Variants in CENPF observed in about 807,000 individuals in gnomAD.
CENPF encodes AH antigen.
CENPF carries 214 observed loss-of-function variants against 307.3 expected under a neutral mutation model. That is an observed-to-expected ratio of 0.70 (90% CI 0.62 to 0.78). The LOEUF is 0.78. Ranked by LOEUF, CENPF falls within the 30% of genes least tolerant of loss-of-function variation. The pLI, the probability that CENPF is intolerant of heterozygous loss-of-function variation, is 0.00. For missense variants in CENPF, 3,401 were observed against 3,483.9 expected (o/e 0.98, Z 0.60); for synonymous variants, 1,259 against 1,270.6 (o/e 0.99, Z 0.19).
chr1:214,638,061 TG>T (rs1658011224), intron 11 of CENPF, 60 bp downstream of exon 11: 1 of 1,481,180 alleles, frequency 6.8e-7, no homozygotes, highest in East Asian at 2.4e-5. Context: ...TGAGAGGGGA[TG>T]GATGGCATTA....
rs749868979 is a variant in CENPF at position 214,645,666 on chromosome 1, T to C, written c.6096T>C (p.His2032=). The change falls in exon 13 of 20, where the codon CAT becomes CAC. Residue 2032 remains histidine, a synonymous_variant. Transcript: ENST00000366955. The part of the protein sequence containing the change: ...DVSELLKDKT[H]LQEKLQSLEK... The stretch of plus-strand genomic sequence containing the variant: ...GTGAGCTGTTAAAAGACAAAACTCA[T>C]CTCCAGGAAAAGCTGCAGAGTTTGG... 1.5e-5 allele frequency: 24 copies of C among 1,614,060 alleles called. No homozygotes were observed. Among genetic ancestry groups the C allele is most frequent in the East Asian group, 2.2e-5 (1 of 44,868 alleles).
At chr1:214,658,757 C>T in intron 18 of CENPF, 93 bp from the exon 19 acceptor site, 1 of 1,289,918 alleles carries the variant, frequency 7.8e-7, no homozygotes, top group Admixed American at 2.0e-5. Context: ...TTGGAGTTTG[C>T]ATTATCCTTG....
In CENPF at chr1:214,644,770, C is replaced by T. The variant is rs1658237008; in HGVS notation, c.5200C>T (p.Pro1734Ser). The T allele has an allele frequency of 6.2e-7, 1 of 1,613,838 alleles. No individual in the cohort carries two copies. Among genetic ancestry groups the T allele is most frequent in the African/African-American group, 1.3e-5 (1 of 74,984 alleles). Reference sequence around the variant, plus strand: ...GTCCCCAGATACCAATTATGAGCCTCCAGGGGAAGATAAAACCCAGGGCTC... The same window carrying T: ...GTCCCCAGATACCAATTATGAGCCTTCAGGGGAAGATAAAACCCAGGGCTC... ...EQSPDTNYEP[P>S]GEDKTQGSSE... Residue 1734 changes from proline to serine, a missense_variant, in exon 13 of 20, where the codon CCA becomes TCA. Transcript: ENST00000366955.
Position 214,659,169 on chromosome 1 carries a change from T to TC in CENPF, c.9141+141_9141+142insC. 1.3e-6 allele frequency: 1 copy of TC among 777,856 alleles called. No individual in the cohort carries two copies. 48.2% of individuals were successfully genotyped at this position (777,856 alleles called of 1,614,324 possible). On this transcript the variant is annotated intron_variant, in intron 19 of 19. Coordinates refer to ENST00000366955, the MANE Select transcript of CENPF (RefSeq NM_016343.4). This position sits in a 1 kb window ranked among gnomAD's most constrained non-coding sequence, Gnocchi z 4.4. ...TCTTGGTGTGGTGTAAGTCAGTCAG[T>TC]AGTGAGCAAGTGACCGGGTGAGCAT...
chr1:214,621,183 C>T (rs80220869), intron 6 of CENPF, among the ~76,000 whole-genome samples: 1 of 152,106 alleles, frequency 6.6e-6, no homozygotes, highest in Admixed American at 6.5e-5. Context: ...CTCTAAAGTA[C>T]GTTGAGAGGC....
chr1:214,606,023 G>A, intron 1 of CENPF: 1 of 1,596,410 alleles, frequency 6.3e-7, no homozygotes, highest in South Asian at 1.1e-5. Context: ...GTCCACGGTG[G>A]GCACCGTGCC....
chr1:214,625,843 C>G (rs1657640066), intron 7 of CENPF, among the ~76,000 whole-genome samples: 1 of 152,100 alleles, frequency 6.6e-6, no homozygotes, highest in Admixed American at 6.5e-5. Context: ...AGACTGTTTT[C>G]TCCCTTTTCG....
At position 214,622,299 on chromosome 1, in the gene CENPF, A is replaced by G. The variant is rs1657530241; in HGVS notation, c.1068+18A>G. On this transcript the variant is annotated intron_variant, in intron 7 of 19. Coordinates refer to ENST00000366955, the MANE Select transcript of CENPF (RefSeq NM_016343.4). ...CAACCAAGGTACTTGACTTTTCGTG[A>G]ATTACTGGAGAAATCTTCATCTTTT... The G allele has an allele frequency of 1.9e-6, 3 of 1,566,164 alleles. No individual in the cohort carries two copies. Among genetic ancestry groups the G allele is most frequent in the Admixed American group, 1.9e-5 (1 of 52,294 alleles).
At chr1:214,637,799 T>G (rs1658002323) in intron 10 of CENPF, 67 bp from the exon 11 acceptor site, 1 of 1,517,394 alleles carries the variant, frequency 6.6e-7, no homozygotes, top group Non-Finnish European at 8.9e-7. Context: ...GGACCTTTAT[T>G]AAGGCAGAAG....
At chr1:214,643,477 C>A (rs577398492) in intron 12 of CENPF, among the ~76,000 whole-genome samples, 153 bp downstream of exon 12, 1 of 152,078 alleles carries the variant, frequency 6.6e-6, no homozygotes, top group South Asian at 2.1e-4. Flanking sequence ...TCAAAACAAA[C>A]CAGAACTTGA....
chr1:214,608,657 C>A, intron 1 of CENPF: 4 of 1,601,546 alleles, frequency 2.5e-6, no homozygotes, highest in Non-Finnish European at 2.5e-6. Context: ...CGCCCGGGTG[C>A]GCCCGAGGAG....
intron 10 of CENPF, 36 bp from the exon 11 acceptor site, chr1:214,637,830 C>T (rs574167513): frequency 1.4e-5 from 22 of 1,584,070 alleles, no homozygotes; most frequent in African/African-American, 4.1e-5. Flanking sequence ...CTTGAGCATT[C>T]GTTTTGGCTA....
chr1:214,643,158 A>C lies in CENPF; in HGVS notation c.4820A>C (p.Glu1607Ala). 1 of 1,598,988 alleles carries C rather than the reference A, an allele frequency of 6.3e-7. No homozygotes were observed. The change falls in exon 12 of 20, where the codon GAA becomes GCA. Residue 1607 changes from glutamate (E) to alanine (A), a missense_variant. Transcript: ENST00000366955. ...AGGAAGCAGTATTTGTCAGAAAATGAACAGTGGCAACAGAAGCTGACAAGC... is the reference window on the plus strand; with the variant it reads ...AGGAAGCAGTATTTGTCAGAAAATGCACAGTGGCAACAGAAGCTGACAAGC... ...CLRKQYLSEN[E>A]QWQQKLTSVT...
At chr1:214,620,109 A>G (rs981778082) in intron 5 of CENPF, among the ~76,000 whole-genome samples, 2 of 152,214 alleles carry the variant, frequency 1.3e-5, no homozygotes, top group African/African-American at 2.4e-5. Flanking sequence ...ATTTGTCAGA[A>G]TGGAGGCAGA....
At chr1:214,643,868 A>G (rs1353649922) in intron 12 of CENPF, among the ~76,000 whole-genome samples, 2 of 152,238 alleles carry the variant, frequency 1.3e-5, no homozygotes, top group Non-Finnish European at 2.9e-5. Context: ...AAAAAATTGA[A>G]TACATATTTG....
chr1:214,627,180 C>T (rs748073975), intron 7 of CENPF, among the ~76,000 whole-genome samples: 3 of 151,746 alleles, frequency 2.0e-5, no homozygotes, highest in Non-Finnish European at 2.9e-5. Flanking sequence ...CCACCTCAGC[C>T]TCCCTAGTAG....
At chr1:214,608,786 G>A (rs12081395) in intron 1 of CENPF, 100,203 of 1,599,946 alleles carry the variant, frequency 0.063, 6,058 homozygotes, top group African/African-American at 0.29. Flanking sequence ...ATGCGGCCGG[G>A]GCAGGGCGGG....
rs1658472164 is a variant in CENPF at position 214,651,882 on chromosome 1, A to G, written c.8156A>G (p.Lys2719Arg). ...KHQALLLDTN[K>R]QYEVEIQTYR... ...CAGGCTTTGCTTTTGGACACAAACAAACAGGTGAAATGTGGGGTTTGGTTA... is the reference window on the plus strand; with the variant it reads ...CAGGCTTTGCTTTTGGACACAAACAGACAGGTGAAATGTGGGGTTTGGTTA... Residue 2719 changes from lysine to arginine, a missense_variant, in exon 15 of 20, where the codon AAA becomes AGA. By Grantham distance (26) the Lys-to-Arg change is conservative. Transcript: ENST00000366955. The G allele has an allele frequency of 3.1e-6, 5 of 1,603,150 alleles. No homozygotes were observed. Among genetic ancestry groups the G allele is most frequent in the African/African-American group, 1.3e-5 (1 of 74,108 alleles).
intron 7 of CENPF, among the ~76,000 whole-genome samples, chr1:214,624,169 A>T (rs1162691008): frequency 6.6e-6 from 1 of 151,294 alleles, no homozygotes; most frequent in Non-Finnish European, 1.5e-5. Flanking sequence ...ATATTTCTGA[A>T]TTTTTTTTTG....
Sources: gnomAD v4.1 joint callset for allele counts (sites outside exome capture counted in the v4.1 genomes callset) on GRCh38, gnomAD v4.1.1 for gene constraint, Gnocchi (gnomAD v3.1) non-coding constraint, MANE v1.5 for transcripts, NCBI Gene and HGNC (gene_info 2026-07-23, HGNC 2026-07-21) for gene names.